CPEB1: variants seen among roughly 807,000 people sequenced by gnomAD.
CPEB1 encodes cytoplasmic polyadenylation element-binding protein 1.
Under a neutral mutation model 65.8 loss-of-function variants are expected in CPEB1, and 7 were observed. That is an observed-to-expected ratio of 0.11 (90% CI 0.06 to 0.20). CPEB1 has a LOEUF of 0.20. Among genes scored for constraint, CPEB1 ranks in the 10% least tolerant of loss-of-function variants. CPEB1 has a pLI of 1.00. For synonymous variants in CPEB1, 262 were observed against 260.0 expected (o/e 1.01, Z -0.08); for missense variants, 551 against 712.2 (o/e 0.77, Z 2.58).
intron 1 of CPEB1, chr15:82,629,000 A>T (rs915653692): frequency 1.3e-5 from 2 of 156,670 alleles, no homozygotes; most frequent in African/African-American, 4.8e-5. Context: ...ATACATAGAT[A>T]TTTGACTGTG....
At chr15:82,629,863 T>C in intron 1 of CPEB1, 8 of 985,452 alleles carry the variant, frequency 8.1e-6, no homozygotes, top group Non-Finnish European at 9.6e-6. Flanking sequence ...CTCTGCAGGA[T>C]GACCTTAAAG....
At chr15:82,646,325 A>G (rs1290067623) in intron 1 of CPEB1, among the ~76,000 whole-genome samples, 5 of 152,082 alleles carry the variant, frequency 3.3e-5, no homozygotes, top group African/African-American at 9.7e-5. Flanking sequence ...CTTCCCCACC[A>G]ACGACACAGC....
At chr15:82,577,603 C>A (rs1438971155) in intron 3 of CPEB1, among the ~76,000 whole-genome samples, 1 of 152,166 alleles carries the variant, frequency 6.6e-6, no homozygotes, top group Non-Finnish European at 1.5e-5. Context: ...GCAGACTAGA[C>A]TTCCAGGTTT....
intron 3 of CPEB1, among the ~76,000 whole-genome samples, chr15:82,622,955 T>C (rs2045443165): frequency 6.6e-6 from 1 of 152,178 alleles, no homozygotes; most frequent in African/African-American, 2.4e-5. Context: ...GTTGAGCTAA[T>C]GTTTGTGGTA....
At chr15:82,594,145 T>C (rs138598008) in intron 3 of CPEB1, among the ~76,000 whole-genome samples, 1 of 152,320 alleles carries the variant, frequency 6.6e-6, no homozygotes, top group African/African-American at 2.4e-5. Context: ...AAACTGACTT[T>C]TCCTCTCTAG....
intron 3 of CPEB1, among the ~76,000 whole-genome samples, chr15:82,624,929 C>T (rs2045629982): frequency 1.3e-5 from 2 of 152,110 alleles, no homozygotes; most frequent in African/African-American, 4.8e-5. Flanking sequence ...TCTCGACCTC[C>T]CAGGCTCAAG....
At chr15:82,576,491 T>C (rs1412925708) in intron 3 of CPEB1, among the ~76,000 whole-genome samples, 3 of 152,216 alleles carry the variant, frequency 2.0e-5, no homozygotes, top group East Asian at 1.9e-4. Context: ...GTTAATGATA[T>C]GTATGGTGAA....
intron 3 of CPEB1, among the ~76,000 whole-genome samples, chr15:82,575,308 T>C (rs2040532347): frequency 6.6e-6 from 1 of 152,192 alleles, no homozygotes; most frequent in South Asian, 2.1e-4. Flanking sequence ...CAAACATTAA[T>C]TTAGTAGATA....
chr15:82,618,296 T>C (rs183683090), intron 3 of CPEB1, among the ~76,000 whole-genome samples: 14 of 152,334 alleles, frequency 9.2e-5, no homozygotes, highest in South Asian at 2.1e-4. Flanking sequence ...CAAAAACACT[T>C]TTTGTGTATA....
At chr15:82,592,615 C>T (rs571629041) in intron 3 of CPEB1, among the ~76,000 whole-genome samples, 6 of 151,180 alleles carry the variant, frequency 4.0e-5, no homozygotes, top group African/African-American at 1.5e-4. Context: ...GTATTATAGT[C>T]TATTAAATGT....
chr15:82,618,293 A>G (rs1358563267), intron 3 of CPEB1, among the ~76,000 whole-genome samples: 1 of 152,222 alleles, frequency 6.6e-6, no homozygotes, highest in Non-Finnish European at 1.5e-5. Flanking sequence ...AGGCAAAAAC[A>G]CTTTTTGTGT....
chr15:82,547,044 C>G (rs1313273295), intron 11 of CPEB1, 99 bp downstream of exon 11: 1 of 790,314 alleles, frequency 1.3e-6, no homozygotes, highest in African/African-American at 1.7e-5. Context: ...CTAAACACAC[C>G]CAGCACAAAC....
intron 1 of CPEB1, among the ~76,000 whole-genome samples, chr15:82,636,512 G>C (rs942527846): frequency 6.6e-6 from 1 of 152,178 alleles, no homozygotes; most frequent in Non-Finnish European, 1.5e-5. Context: ...AACTCAGTGT[G>C]GAAGAGGAAA....
At chr15:82,593,092 C>A (rs1209602831) in intron 3 of CPEB1, among the ~76,000 whole-genome samples, 1 of 152,196 alleles carries the variant, frequency 6.6e-6, no homozygotes, top group East Asian at 1.9e-4. Context: ...TGCATGGCTG[C>A]TGACATAAGG....
chr15:82,577,858 G>A (rs1294867036), intron 3 of CPEB1, among the ~76,000 whole-genome samples: 1 of 151,908 alleles, frequency 6.6e-6, no homozygotes, highest in African/African-American at 2.4e-5. Flanking sequence ...AAGCTATATT[G>A]GGCCAGGCAC....
intron 3 of CPEB1, among the ~76,000 whole-genome samples, chr15:82,609,597 A>C (rs1225008782): frequency 1.3e-5 from 2 of 152,162 alleles, no homozygotes; most frequent in South Asian, 2.1e-4. Flanking sequence ...AAGTAGAGGA[A>C]GCAACAAAGA....
At chr15:82,617,791 T>A (rs1412274492) in intron 3 of CPEB1, among the ~76,000 whole-genome samples, 1 of 133,550 alleles carries the variant, frequency 7.5e-6, no homozygotes, top group Non-Finnish European at 1.5e-5. Flanking sequence ...TGGAGTGCAG[T>A]GGCGGGATCT....
chr15:82,572,196 T>G (rs543857989), intron 3 of CPEB1: 1 of 152,298 alleles, frequency 6.6e-6, no homozygotes, highest in African/African-American at 2.4e-5. Context: ...TGCAGCCCAA[T>G]GCAAAGCTTC....
chr15:82,608,421 T>C lies in CPEB1; in HGVS notation c.271+18772A>G, dbSNP rs2043829161. ...AATGACAATTCGTTGAGGATGGGGC[T>C]TGAGCTCCAACTGTTTTGTCCTTTC... On this transcript the variant is annotated intron_variant, in intron 3 of 12. Transcript: ENST00000684509. Among the ~76,000 whole-genome samples the C allele has an allele frequency of 3.9e-5, 6 of 152,332 alleles. No homozygotes were observed. The South Asian group carries it at 1.2e-3, about 32-fold the overall frequency.
Sources: allele counts gnomAD v4.1 joint callset (sites outside exome capture counted in the v4.1 genomes callset), GRCh38; gene constraint gnomAD v4.1.1; transcripts MANE v1.5; gene names NCBI Gene and HGNC (gene_info 2026-07-23, HGNC 2026-07-21).